Variants in RCN1 observed in about 807,000 individuals in gnomAD.
RCN1 encodes reticulocalbin 1, also known as reticulocalbin-1.
A neutral mutation model predicts 34.7 loss-of-function variants in RCN1; 14 were observed. The observed-to-expected ratio is 0.40, with a 90% confidence interval of 0.27 to 0.63. The LOEUF (loss-of-function observed/expected upper bound fraction) is 0.63. Ranked by LOEUF, RCN1 falls within the 30% of genes least tolerant of loss-of-function variation. RCN1 has a pLI of 0.37. For missense variants in RCN1, 326 were observed against 425.1 expected (o/e 0.77, Z 2.05); for synonymous variants, 125 against 165.5 (o/e 0.76, Z 1.88).
intron 1 of RCN1, among the ~76,000 whole-genome samples, chr11:32,094,809 GA>G (rs1209739910): frequency 6.6e-6 from 1 of 152,192 alleles, no homozygotes; most frequent in Non-Finnish European, 1.5e-5. Flanking sequence ...AGATAATGGG[GA>G]CCAGAGGCAG....
chr11:32,093,188 G>A (rs931753741), intron 1 of RCN1, among the ~76,000 whole-genome samples: 20 of 152,170 alleles, frequency 1.3e-4, no homozygotes, highest in African/African-American at 4.1e-4. Context: ...CCTTCATTGT[G>A]ACAGTTCAGC....
At position 32,104,583 on chromosome 11, in the gene RCN1, A is replaced by C; in HGVS notation, c.*111A>C. 1 of 643,366 alleles carries C rather than the reference A, an allele frequency of 1.6e-6. No individual in the cohort carries two copies. Among genetic ancestry groups the C allele is most frequent in the East Asian group, 2.8e-5 (1 of 35,510 alleles). The allele number at this position is 643,366 out of a possible 1,614,324, so 39.9% of individuals were successfully genotyped here. A position where few individuals can be genotyped will look rare whatever the true frequency, so the allele number is the denominator to read the frequency against. ...TTGTGATCCCACAAAAAGCAAGTTT[A>C]TACCTCAGATTGGGGTATAAAAATT... On this transcript the variant is annotated 3_prime_UTR_variant, in exon 6 of 6. Coordinates refer to ENST00000054950, the MANE Select transcript of RCN1 (RefSeq NM_002901.4).
intron 2 of RCN1, among the ~76,000 whole-genome samples, 159 bp downstream of exon 2, chr11:32,097,496 G>T (rs1345732979): frequency 6.6e-6 from 1 of 152,084 alleles, no homozygotes; most frequent in African/African-American, 2.4e-5. Flanking sequence ...AACTCAGAAT[G>T]TACTGAGTTG....
chr11:32,092,790 CT>C (rs1266200577), intron 1 of RCN1, among the ~76,000 whole-genome samples: 2 of 152,130 alleles, frequency 1.3e-5, no homozygotes, highest in East Asian at 3.9e-4. Flanking sequence ...GGTGGAGGAT[CT>C]TCATGTTCTG....
rs777704738 is a variant in RCN1, at chr11:32,103,309, C to T, written c.717C>T (p.Gly239=). The change falls in exon 5 of 6, where the codon GGC becomes GGT. Residue 239 remains glycine (G), a synonymous_variant. Transcript: ENST00000054950. ...IADMFSHEEN[G]PEPDWVLSER... is the part of the protein sequence containing the mutation. Reference sequence around the variant, plus strand: ...ATATGTTTTCCCATGAGGAGAATGGCCCTGAGCCAGACTGGGTTTTATCAG... The same window carrying T: ...ATATGTTTTCCCATGAGGAGAATGGTCCTGAGCCAGACTGGGTTTTATCAG... 2.5e-6 allele frequency: 4 copies of T among 1,613,878 alleles called. No homozygotes were observed. Among genetic ancestry groups the T allele is most frequent in the Non-Finnish European group, 3.4e-6 (4 of 1,179,770 alleles).
chr11:32,091,674 T>G, intron 1 of RCN1: 1 of 543,992 alleles, frequency 1.8e-6, no homozygotes. Flanking sequence ...CGGGGTGGTT[T>G]CTCGCGGGGA....
intron 1 of RCN1, among the ~76,000 whole-genome samples, chr11:32,095,501 A>G (rs555926277): frequency 6.5e-4 from 99 of 152,088 alleles, no homozygotes; most frequent in African/African-American, 2.4e-3. Flanking sequence ...TCAGCTTCCC[A>G]GGTTCACGCC....
At chr11:32,103,197 C>G in intron 4 of RCN1, 84 bp from the exon 5 acceptor site, 1 of 1,253,912 alleles carries the variant, frequency 8.0e-7, no homozygotes, top group South Asian at 1.3e-5. Context: ...TCCTAAAGCT[C>G]AGGAGGTCAA....
chr11:32,095,246 CTTT>C (rs11454746), intron 1 of RCN1, among the ~76,000 whole-genome samples: 1 of 145,594 alleles, frequency 6.9e-6, no homozygotes, highest in Non-Finnish European at 1.5e-5. Flanking sequence ...ATGTTTTAGT[CTTT>C]TTTTTTTTTT....
At chr11:32,093,610 A>G (rs532771988) in intron 1 of RCN1, among the ~76,000 whole-genome samples, 2 of 152,176 alleles carry the variant, frequency 1.3e-5, no homozygotes, top group East Asian at 1.9e-4. Context: ...CCATTTCTAA[A>G]GGGTTTGAAA....
At chr11:32,102,975 A>G (rs547512089) in intron 4 of RCN1, 1 of 504,666 alleles carries the variant, frequency 2.0e-6, no homozygotes, top group South Asian at 1.6e-5. Context: ...TAGCCCCATG[A>G]TTTATAAATT....
chr11:32,095,777 T>G (rs1227008395), intron 1 of RCN1, among the ~76,000 whole-genome samples: 1 of 151,532 alleles, frequency 6.6e-6, no homozygotes, highest in Non-Finnish European at 1.5e-5. Flanking sequence ...ACTCTCAAAC[T>G]CTTGGCCTCC....
intron 2 of RCN1, among the ~76,000 whole-genome samples, chr11:32,097,636 T>A (rs956695017): frequency 6.6e-6 from 1 of 152,134 alleles, no homozygotes; most frequent in South Asian, 2.1e-4. Flanking sequence ...AAAGGAAGTG[T>A]GTCTGTGGTA....
Position 32,098,329 on chromosome 11 carries a change from CT to C in RCN1, c.449-20del, listed in dbSNP as rs1355989297. On this transcript the variant is annotated intron_variant, in intron 2 of 5. Transcript: ENST00000054950. ...TTGACCGCACGGTTTAAAAACATTTCTGCATACATACATCCTGCAGGAAACC... is the reference window on the plus strand; with the variant it reads ...TTGACCGCACGGTTTAAAAACATTTCGCATACATACATCCTGCAGGAAACC... 6.3e-7 allele frequency: 1 copy of C among 1,593,796 alleles called. No individual in the cohort carries two copies. Among genetic ancestry groups the C allele is most frequent in the African/African-American group, 1.4e-5 (1 of 73,762 alleles).
chr11:32,094,468 G>C (rs902818661), intron 1 of RCN1, among the ~76,000 whole-genome samples: 2 of 152,150 alleles, frequency 1.3e-5, no homozygotes, highest in Non-Finnish European at 2.9e-5. Context: ...AGCCCTATTT[G>C]GCGGCTAGCA....
chr11:32,103,938 TA>T (rs914614384), intron 5 of RCN1, among the ~76,000 whole-genome samples: 1 of 152,246 alleles, frequency 6.6e-6, no homozygotes, highest in African/African-American at 2.4e-5. Context: ...TATCTATTGA[TA>T]AACATCCAAA....
At chr11:32,102,876 A>T in intron 4 of RCN1, 1 of 396,918 alleles carries the variant, frequency 2.5e-6, no homozygotes, top group South Asian at 2.0e-5. Flanking sequence ...ATAGTGTTCA[A>T]TGTTAGTCAT....
At position 32,091,468 on chromosome 11, in the gene RCN1, GC is replaced by G. The variant is rs975399374; in HGVS notation, c.254+22del. The G allele has an allele frequency of 1.0e-5, 16 of 1,538,322 alleles. No homozygotes were observed. The African/African-American group carries it at 2.2e-4, about 22-fold the overall frequency. On this transcript the variant is annotated intron_variant, in intron 1 of 5. Coordinates refer to ENST00000054950, the MANE Select transcript of RCN1 (RefSeq NM_002901.4). The stretch of plus-strand genomic sequence containing the variant: ...AGGCTAGGGTGAGGCCGCGGCCAGG[GC>G]CCCGTGGGGGGCGGCGCAGGTGTCC...
chr11:32,102,182 G>A (rs756263003), intron 4 of RCN1: 2 of 152,108 alleles, frequency 1.3e-5, no homozygotes, highest in Non-Finnish European at 2.9e-5. Flanking sequence ...ACTGGAATTA[G>A]GAACCCTACC....
Sources: gnomAD v4.1 joint callset for allele counts (sites outside exome capture counted in the v4.1 genomes callset) on GRCh38, gnomAD v4.1.1 for gene constraint, MANE v1.5 for transcripts, NCBI Gene and HGNC (gene_info 2026-07-23, HGNC 2026-07-21) for gene names.